The following SCN11A variants were observed in gnomAD, a reference collection of about 807,000 sequenced individuals.
SCN11A encodes sodium voltage-gated channel alpha subunit 11, also known as sodium channel protein type 11 subunit alpha.
A neutral mutation model predicts 162.2 loss-of-function variants in SCN11A; 122 were observed. The ratio of observed to expected loss-of-function variants is 0.75; its 90% confidence interval spans 0.65 to 0.87. The LOEUF (loss-of-function observed/expected upper bound fraction) is 0.87, where lower values mean the gene tolerates loss of function less well. Ranked by LOEUF, SCN11A falls within the 40% of genes least tolerant of loss-of-function variation. SCN11A has a pLI of 0.00. For missense variants in SCN11A, 2,015 were observed against 2,181.6 expected (o/e 0.92, Z 1.52); for synonymous variants, 758 against 751.5 (o/e 1.01, Z -0.14).
At chr3:38,880,190 T>C in intron 22 of SCN11A, 67 bp from the exon 23 acceptor site, 1 of 1,227,078 alleles carries the variant, frequency 8.1e-7, no homozygotes, top group Non-Finnish European at 1.1e-6. Flanking sequence ...GTAACTTTAC[T>C]TTTTGTTTTT....
At chr3:38,866,439 C>T (rs574373430) in intron 27 of SCN11A, among the ~76,000 whole-genome samples, 27 of 152,142 alleles carry the variant, frequency 1.8e-4, no homozygotes, top group Admixed American at 7.2e-4. Context: ...AGGCTGGTCT[C>T]GAACTCCTGA....
chr3:38,905,696 G>A (rs1383528056), intron 14 of SCN11A, among the ~76,000 whole-genome samples: 1 of 152,224 alleles, frequency 6.6e-6, no homozygotes, highest in Non-Finnish European at 1.5e-5. Flanking sequence ...TTAAAGGTAA[G>A]AAGTGGAGTA....
intron 7 of SCN11A, among the ~76,000 whole-genome samples, chr3:38,929,372 T>C (rs920534907): frequency 6.6e-5 from 10 of 152,266 alleles, no homozygotes; most frequent in African/African-American, 2.4e-4. Flanking sequence ...TGTGATCCAC[T>C]TATATGAGGC....
chr3:38,887,901 T>C (rs1006334974), intron 19 of SCN11A, among the ~76,000 whole-genome samples: 4 of 152,194 alleles, frequency 2.6e-5, no homozygotes, highest in South Asian at 2.1e-4. Flanking sequence ...TAATAGCATA[T>C]GTAAAAATAC....
rs748013821 is a variant in SCN11A at position 38,846,404 on chromosome 3, G to A, written c.*290C>T. On this transcript the variant is annotated 3_prime_UTR_variant, in exon 30 of 30. Coordinates refer to ENST00000302328, the MANE Select transcript of SCN11A (RefSeq NM_001349253.2). ...TGGGATTACAGGCATGAGCCACTGC[G>A]CCCGGCCTGAACTATTTCAATCCTA... is the stretch of plus-strand genomic sequence containing the variant. The A allele has an allele frequency of 1.5e-4, 50 of 330,142 alleles. 1 individual carries two copies. Among genetic ancestry groups the A allele is most frequent in the South Asian group, 2.3e-4 (5 of 21,828 alleles). The allele number at this position is 330,142 out of a possible 1,614,324, so 20.5% of individuals were successfully genotyped here.
chr3:38,930,242 T>C (rs1279105628), intron 7 of SCN11A, among the ~76,000 whole-genome samples: 2 of 152,148 alleles, frequency 1.3e-5, no homozygotes, highest in African/African-American at 4.8e-5. Context: ...ACAAAGGCCT[T>C]GAGGACTTGA....
At chr3:38,983,836 C>T (rs2030141965) in intron 2 of SCN11A, among the ~76,000 whole-genome samples, 1 of 151,928 alleles carries the variant, frequency 6.6e-6, no homozygotes. Context: ...TGGGTTTCAT[C>T]CACCAGGAAG....
At chr3:38,996,333 A>C (rs2030631460) in intron 2 of SCN11A, among the ~76,000 whole-genome samples, 1 of 152,214 alleles carries the variant, frequency 6.6e-6, no homozygotes, top group Non-Finnish European at 1.5e-5. Flanking sequence ...GGGAGTGCCT[A>C]GCAGATAGGT....
At chr3:39,044,911 T>C (rs984406504) in intron 1 of SCN11A, among the ~76,000 whole-genome samples, 1 of 148,520 alleles carries the variant, frequency 6.7e-6, no homozygotes, top group African/African-American at 2.5e-5. Flanking sequence ...AACCACTAGC[T>C]AGAGTAATTT....
chr3:38,970,689 A>G (rs776944835), intron 2 of SCN11A, among the ~76,000 whole-genome samples: 34 of 152,118 alleles, frequency 2.2e-4, no homozygotes, highest in Non-Finnish European at 4.0e-4. Context: ...GCTCTGGGCA[A>G]TCCAGATTGT....
intron 19 of SCN11A, 41 bp downstream of exon 19, chr3:38,894,492 A>C (rs2065553317): frequency 6.7e-7 from 1 of 1,501,940 alleles, no homozygotes; most frequent in African/African-American, 1.4e-5. Flanking sequence ...TGATAACTCC[A>C]GCTTTGTATG....
intron 27 of SCN11A, among the ~76,000 whole-genome samples, chr3:38,863,995 A>T (rs956475184): frequency 6.6e-6 from 1 of 152,162 alleles, no homozygotes. Flanking sequence ...GTCTTAGAAC[A>T]TTTACTAATC....
chr3:38,963,417 TGATGGAG>T (rs1249363586), intron 2 of SCN11A, among the ~76,000 whole-genome samples: 549 of 46,602 alleles, frequency 0.012, 8 homozygotes, highest in Non-Finnish European at 0.015. Context: ...TATATATATA[TGATGGAG>T]ATATATATAT....
chr3:38,915,926 G>T (rs189186350), intron 11 of SCN11A, among the ~76,000 whole-genome samples: 3 of 152,248 alleles, frequency 2.0e-5, no homozygotes, highest in Admixed American at 2.0e-4. Flanking sequence ...CTATTATTGT[G>T]TGGGAGTCTA....
At chr3:38,977,806 T>G (rs985625891) in intron 2 of SCN11A, among the ~76,000 whole-genome samples, 3 of 152,194 alleles carry the variant, frequency 2.0e-5, no homozygotes, top group African/African-American at 7.2e-5. Flanking sequence ...AATCAGCAGA[T>G]AAGCCATTCT....
In SCN11A at chr3:38,894,696, G is replaced by C. The variant is rs368987172; in HGVS notation, c.2672C>G (p.Ser891Ter). ...TATACCAAGCTCCTCCTGGGTCTCT[G>C]AGCCCCTTTTCATCTCCATGACCAG... is the stretch of plus-strand genomic sequence containing the variant. ...IPLVMEMKRG[S>*]ETQEELGILT... Residue 891 changes from serine (S) to a stop codon, truncating the protein, a stop_gained, in exon 19 of 30, where the codon TCA becomes TGA. Coordinates refer to ENST00000302328, the MANE Select transcript of SCN11A (RefSeq NM_001349253.2). LOFTEE classifies it high-confidence loss of function. 6.2e-7 allele frequency: 1 copy of C among 1,614,162 alleles called. No homozygotes were observed. Among genetic ancestry groups the C allele is most frequent in the Admixed American group, 1.7e-5 (1 of 60,018 alleles).
intron 2 of SCN11A, among the ~76,000 whole-genome samples, chr3:39,025,672 C>G (rs1260345754): frequency 6.6e-6 from 1 of 152,170 alleles, no homozygotes; most frequent in Admixed American, 6.5e-5. Context: ...AACCAGAGGT[C>G]ACTTTCATCG....
At chr3:39,009,468 G>C (rs2031069033) in intron 2 of SCN11A, among the ~76,000 whole-genome samples, 1 of 150,978 alleles carries the variant, frequency 6.6e-6, no homozygotes, top group South Asian at 2.1e-4. Flanking sequence ...CATATTAAGA[G>C]TGGAAAGGGC....
At chr3:38,939,900 T>C (rs1350341676) in intron 7 of SCN11A, among the ~76,000 whole-genome samples, 1 of 142,948 alleles carries the variant, frequency 7.0e-6, no homozygotes, top group African/African-American at 2.6e-5. Flanking sequence ...TGAAACCCCA[T>C]CTCAAAAAAA....
Sources: gnomAD v4.1 joint callset for allele counts (sites outside exome capture counted in the v4.1 genomes callset) on GRCh38, gnomAD v4.1.1 for gene constraint, MANE v1.5 for transcripts, NCBI Gene and HGNC (gene_info 2026-07-23, HGNC 2026-07-21) for gene names.